The following ACCSL variants were observed in gnomAD, a reference collection of about 807,000 sequenced individuals.
The protein encoded by ACCSL is probable inactive 1-aminocyclopropane-1-carboxylate synthase-like protein 2.
A neutral mutation model predicts 61.7 loss-of-function variants in ACCSL; 55 were observed. The observed-to-expected ratio is 0.89, with a 90% CI of 0.72 to 1.12. ACCSL has a LOEUF of 1.12. Among genes scored for constraint, ACCSL ranks in the 50% most tolerant of loss-of-function variants. The pLI is 0.00. For synonymous variants in ACCSL, 258 were observed against 264.3 expected (o/e 0.98, Z 0.23); for missense variants, 632 against 698.0 (o/e 0.91, Z 1.07).
intron 1 of ACCSL, 36 bp downstream of exon 1, chr11:44,048,576 A>T: frequency 1.4e-6 from 2 of 1,446,352 alleles, no homozygotes; most frequent in Non-Finnish European, 1.9e-6. Flanking sequence ...CAGCATCCTC[A>T]CGGGCTCCAG....
intron 4 of ACCSL, 85 bp downstream of exon 4, chr11:44,051,489 G>C (rs989424578): frequency 6.4e-7 from 1 of 1,570,986 alleles, no homozygotes; most frequent in Non-Finnish European, 8.8e-7. Context: ...GGGGTACAAG[G>C]AGAACCAGTG....
the ACCSL span, among the ~76,000 whole-genome samples, chr11:43,982,873 G>C: frequency 1.3e-5 from 2 of 152,214 alleles, no homozygotes; most frequent in Non-Finnish European, 2.9e-5. Context: ...AGAGGAGGCA[G>C]GAGTGGTCAG....
chr11:43,956,451 G>C, the ACCSL span, among the ~76,000 whole-genome samples: 6 of 151,484 alleles, frequency 4.0e-5, no homozygotes, highest in Non-Finnish European at 5.9e-5. Context: ...ATGGAGTCTC[G>C]CTCTGTTGCC....
the ACCSL span, among the ~76,000 whole-genome samples, chr11:43,923,065 C>G: frequency 6.6e-6 from 1 of 152,204 alleles, no homozygotes; most frequent in Non-Finnish European, 1.5e-5. Flanking sequence ...GGCACCCACT[C>G]TCTGCCTCTG....
the ACCSL span, among the ~76,000 whole-genome samples, chr11:43,947,379 G>T: frequency 7.9e-5 from 12 of 152,158 alleles, no homozygotes; most frequent in Non-Finnish European, 1.5e-4. Flanking sequence ...CATATCAGAG[G>T]TCCTACCAGG....
At chr11:44,002,098 A>AG in the ACCSL span, among the ~76,000 whole-genome samples, 181 of 152,098 alleles carry the variant, frequency 1.2e-3, 1 homozygote, top group African/African-American at 4.2e-3. Flanking sequence ...GTGGACAAGG[A>AG]GGGGGGAAGT....
the ACCSL span, among the ~76,000 whole-genome samples, chr11:44,002,007 G>T: frequency 0.017 from 2,537 of 152,118 alleles, 69 homozygotes; most frequent in African/African-American, 0.058. Flanking sequence ...GCTCAGGGAG[G>T]GGGCCTTGGA....
At chr11:44,029,239 T>A in the ACCSL span, among the ~76,000 whole-genome samples, 2 of 152,256 alleles carry the variant, frequency 1.3e-5, no homozygotes, top group East Asian at 3.8e-4. Flanking sequence ...AGGTCCCTCC[T>A]GTTCTGTCTC....
At chr11:43,942,838 G>C in the ACCSL span, 1 of 1,139,750 alleles carries the variant, frequency 8.8e-7, no homozygotes, top group Non-Finnish European at 1.1e-6. Context: ...GGGGGGCCCC[G>C]GCGCAGCGGC....
the ACCSL span, among the ~76,000 whole-genome samples, chr11:43,935,632 G>C: frequency 2.6e-5 from 4 of 152,232 alleles, no homozygotes; most frequent in African/African-American, 9.6e-5. Flanking sequence ...GTGAGTGTTC[G>C]ACAGATGACT....
the ACCSL span, among the ~76,000 whole-genome samples, chr11:43,928,541 G>C: frequency 6.6e-6 from 1 of 152,198 alleles, no homozygotes; most frequent in Non-Finnish European, 1.5e-5. Flanking sequence ...TGCAGGCCCG[G>C]TCTCTGCCAG....
the ACCSL span, among the ~76,000 whole-genome samples, chr11:43,973,088 T>C: frequency 6.6e-6 from 1 of 152,206 alleles, no homozygotes; most frequent in Non-Finnish European, 1.5e-5. Flanking sequence ...ACTTCTATGA[T>C]GAATTTTTAT....
At chr11:44,022,014 C>T in the ACCSL span, among the ~76,000 whole-genome samples, 1 of 152,106 alleles carries the variant, frequency 6.6e-6, no homozygotes, top group Non-Finnish European at 1.5e-5. Flanking sequence ...GTGTTGGTGA[C>T]TATAGCTTTA....
chr11:44,037,461 C>T, the ACCSL span, among the ~76,000 whole-genome samples: 1 of 152,224 alleles, frequency 6.6e-6, no homozygotes, highest in Non-Finnish European at 1.5e-5. Context: ...CTTGTCTGGC[C>T]TCTTCTATAC....
the ACCSL span, among the ~76,000 whole-genome samples, chr11:43,962,274 A>G: frequency 2.0e-5 from 3 of 152,244 alleles, no homozygotes; most frequent in African/African-American, 4.8e-5. Flanking sequence ...GACAAATAAT[A>G]GGTGAAATTC....
chr11:43,943,366 G>T, the ACCSL span: 3 of 1,384,566 alleles, frequency 2.2e-6, no homozygotes, highest in Non-Finnish European at 2.8e-6. The surrounding 1 kb of genome is among the most constrained non-coding windows in gnomAD (Gnocchi z 4.8). Flanking sequence ...GCTCCCGGGG[G>T]ACCCGCAAGG....
At chr11:43,972,806 C>T in the ACCSL span, among the ~76,000 whole-genome samples, 1 of 152,150 alleles carries the variant, frequency 6.6e-6, no homozygotes, top group Non-Finnish European at 1.5e-5. Context: ...GAACGGGGCA[C>T]CAGGAGCAAG....
chr11:43,997,894 T>C, the ACCSL span, among the ~76,000 whole-genome samples: 4 of 152,296 alleles, frequency 2.6e-5, no homozygotes, highest in Non-Finnish European at 4.4e-5. Context: ...CTCCAGCTTC[T>C]ATGGGGGAAA....
the ACCSL span, among the ~76,000 whole-genome samples, chr11:44,022,573 G>A: frequency 2.0e-5 from 3 of 152,148 alleles, no homozygotes; most frequent in African/African-American, 7.2e-5. Flanking sequence ...GAGGCAGTTT[G>A]ATTTCCTCTT....
Sources: gnomAD v4.1 joint callset for allele counts (sites outside exome capture counted in the v4.1 genomes callset) on GRCh38, gnomAD v4.1.1 for gene constraint, Gnocchi (gnomAD v3.1) non-coding constraint, MANE v1.5 for transcripts, NCBI Gene and HGNC (gene_info 2026-07-23, HGNC 2026-07-21) for gene names.